MTMR9: variants seen among roughly 807,000 people sequenced by gnomAD.
The protein encoded by MTMR9 is myotubularin-related protein 9.
A neutral mutation model predicts 69.5 loss-of-function variants in MTMR9; 39 were observed. The observed-to-expected ratio is 0.56, with a 90% CI of 0.43 to 0.73. The LOEUF (loss-of-function observed/expected upper bound fraction) is 0.73. Ranked by LOEUF, MTMR9 falls within the 30% of genes least tolerant of loss-of-function variation. MTMR9 has a pLI of 0.00. For missense variants in MTMR9, 900 were observed against 671.2 expected (o/e 1.34, Z -3.77); for synonymous variants, 354 against 240.8 (o/e 1.47, Z -4.35).
At chr8:11,321,184 A>C (rs1181085611) in intron 9 of MTMR9, 1 of 282,166 alleles carries the variant, frequency 3.5e-6, no homozygotes, top group African/African-American at 2.2e-5. Context: ...TCCCCTAGTT[A>C]GCATTGTGGG....
chr8:11,330,927 A>T, downstream of MTMR9: 1 of 399,320 alleles, frequency 2.5e-6, no homozygotes, highest in South Asian at 6.9e-5. Context: ...AAAAAAAAAA[A>T]AGAAAGAAAG....
Position 11,323,144 on chromosome 8 carries a change from C to T in MTMR9, c.*356C>T, listed in dbSNP as rs1800772934. 2 of 163,538 alleles carry T rather than the reference C, an allele frequency of 1.2e-5. No homozygotes were observed. The highest frequency in any genetic ancestry group is 2.4e-5 in the African/African-American group (1 of 41,718). The allele number at this position is 163,538 out of a possible 1,614,324, so 10.1% of individuals were successfully genotyped here. A position where few individuals can be genotyped will look rare whatever the true frequency, so the allele number is the denominator to read the frequency against. On this transcript the variant is annotated 3_prime_UTR_variant, in exon 10 of 10. Transcript: ENST00000221086. ...CAGCATTCTAGAGCAGTCAAGGAGA[C>T]AGCTAATCTCTCTAGGGACTATTTG...
At chr8:11,329,647 G>A (rs1027311887), downstream of MTMR9, among the ~76,000 whole-genome samples, 39 of 152,346 alleles carry the variant, frequency 2.6e-4, no homozygotes, top group Non-Finnish European at 4.1e-4. Context: ...GTGCAGTGGC[G>A]TGATCTCGGC....
intron 1 of MTMR9, among the ~76,000 whole-genome samples, chr8:11,288,001 AATAC>A (rs1249333322): frequency 2.4e-5 from 3 of 123,914 alleles, no homozygotes; most frequent in Non-Finnish European, 1.6e-5. Context: ...TATTACATAT[AATAC>A]ATAGTATATA....
At chr8:11,290,989 C>T (rs73537134) in intron 1 of MTMR9, among the ~76,000 whole-genome samples, 125 of 151,606 alleles carry the variant, frequency 8.2e-4, no homozygotes, top group African/African-American at 2.7e-3. Context: ...GACTCAAAGG[C>T]AGTTGCAAAA....
rs946935798 is a variant in MTMR9, at chr8:11,300,263, C to G, written c.417+115C>G. 1.8e-5 allele frequency: 20 copies of G among 1,127,714 alleles called. No individual in the cohort carries two copies. The African/African-American group carries it at 2.7e-4, about 15-fold the overall frequency. 69.9% of individuals were successfully genotyped at this position (1,127,714 alleles called of 1,614,324 possible). ...TAAGGTGAAGTTGACTTATCCATTC[C>G]TAATCTTAATATATTTAAAAGGATT... On this transcript the variant is annotated intron_variant, in intron 3 of 9. Coordinates refer to ENST00000221086, the MANE Select transcript of MTMR9 (RefSeq NM_015458.4).
Position 11,315,067 on chromosome 8 carries a change from G to A in MTMR9, c.1113+3G>A, listed in dbSNP as rs771458641. On this transcript the variant is annotated splice_donor_region_variant and intron_variant, in intron 7 of 9. Coordinates refer to ENST00000221086, the MANE Select transcript of MTMR9 (RefSeq NM_015458.4). ...TGATTGAAAGAGAGTGGCTGCAGGT[G>A]AGAAGAGCTGTTTGATTCACAGAGG... 6.2e-7 allele frequency: 1 copy of A among 1,612,100 alleles called. No homozygotes were observed. The highest frequency in any genetic ancestry group is 1.3e-5 in the African/African-American group (1 of 74,884).
chr8:11,297,531 G>GT lies in MTMR9; in HGVS notation c.291+2242dup, dbSNP rs58238612. 6.3e-3 allele frequency among the ~76,000 whole-genome samples: 892 copies of GT among 142,084 alleles called. 5 individuals carry two copies. The highest frequency in any genetic ancestry group is 0.015 in the African/African-American group (594 of 39,220). The allele number at this position is 142,084 out of a possible 152,430, so 93.2% of individuals were successfully genotyped here. Reference sequence around the variant, plus strand: ...CATGTATGTGTTTGTGGGTTTTGTGGTTTTTTTTTTTTTCAGTTAGGAGAT... The same window carrying GT: ...CATGTATGTGTTTGTGGGTTTTGTGGTTTTTTTTTTTTTTCAGTTAGGAGAT... On this transcript the variant is annotated intron_variant, in intron 2 of 9. Coordinates refer to ENST00000221086, the MANE Select transcript of MTMR9 (RefSeq NM_015458.4).
At chr8:11,292,990 C>T (rs1489995165) in intron 1 of MTMR9, among the ~76,000 whole-genome samples, 1 of 152,172 alleles carries the variant, frequency 6.6e-6, no homozygotes, top group African/African-American at 2.4e-5. Context: ...TTAGAGTATA[C>T]TGCTTATACT....
At chr8:11,333,155 C>G in the MTMR9 span, among the ~76,000 whole-genome samples, 30 of 152,256 alleles carry the variant, frequency 2.0e-4, no homozygotes, top group Middle Eastern at 3.4e-3. Context: ...TCCAAGAAGC[C>G]TCTACAACAA....
intron 6 of MTMR9, among the ~76,000 whole-genome samples, chr8:11,312,106 A>C (rs982866619): frequency 6.6e-6 from 1 of 152,108 alleles, no homozygotes; most frequent in Admixed American, 6.5e-5. Context: ...GTGTAGTGGC[A>C]GGATCACGGC....
chr8:11,295,913 G>T (rs1327245158), intron 2 of MTMR9, among the ~76,000 whole-genome samples: 1 of 152,134 alleles, frequency 6.6e-6, no homozygotes, highest in East Asian at 1.9e-4. Flanking sequence ...CCTCTACAGA[G>T]TTCCTTAGAG....
chr8:11,321,734 A>G (rs1414003907), intron 9 of MTMR9: 1 of 285,956 alleles, frequency 3.5e-6, no homozygotes, highest in Non-Finnish European at 7.0e-6. Context: ...ATATTTAGAA[A>G]TTCCTGAATT....
Position 11,316,837 on chromosome 8 carries a change from T to C in MTMR9, c.1278T>C (p.Phe426=), listed in dbSNP as rs1444955728. The C allele has an allele frequency of 6.2e-7, 1 of 1,613,534 alleles. No homozygotes were observed. The highest frequency in any genetic ancestry group is 8.5e-7 in the Non-Finnish European group (1 of 1,179,716). ...ATGAGAATTTCCTCATCATGCTCTTTGAGCATGCTTATGCCTCACAGTTTG... is the reference window on the plus strand; with the variant it reads ...ATGAGAATTTCCTCATCATGCTCTTCGAGCATGCTTATGCCTCACAGTTTG... ...EFNENFLIML[F]EHAYASQFGT... is the part of the protein sequence containing the mutation. The change falls in exon 8 of 10, where the codon TTT becomes TTC. Residue 426 remains phenylalanine (F), a synonymous_variant. Coordinates refer to ENST00000221086, the MANE Select transcript of MTMR9 (RefSeq NM_015458.4).
chr8:11,331,167 G>A (rs541246113), downstream of MTMR9: 59 of 1,612,430 alleles, frequency 3.7e-5, no homozygotes, highest in Admixed American at 3.3e-4. Flanking sequence ...GCCGCCCTCC[G>A]CTCCACCCAG....
chr8:11,298,819 C>T (rs901612301), intron 2 of MTMR9: 27 of 979,808 alleles, frequency 2.8e-5, no homozygotes, highest in Non-Finnish European at 3.0e-5. Context: ...TCTCTCTGTT[C>T]CTCCCATCTA....
At chr8:11,318,841 A>C (rs1164419711) in intron 8 of MTMR9, 1 of 152,200 alleles carries the variant, frequency 6.6e-6, no homozygotes, top group African/African-American at 2.4e-5. Context: ...CTAAGTCTCT[A>C]AAAAATTTTA....
In MTMR9 at chr8:11,316,906, C is replaced by A. The variant is rs375753344; in HGVS notation, c.1334+13C>A. 2.5e-5 allele frequency: 38 copies of A among 1,547,250 alleles called. No homozygotes were observed. The African/African-American group carries it at 4.9e-4, about 20-fold the overall frequency. On this transcript the variant is annotated intron_variant, in intron 8 of 9. Transcript: ENST00000221086. ...ATGAAAGTGAAAGGTGAGTACACTGCTCACATGGGGACCTTTCCTTTTCCG... is the reference window on the plus strand; with the variant it reads ...ATGAAAGTGAAAGGTGAGTACACTGATCACATGGGGACCTTTCCTTTTCCG...
intron 2 of MTMR9, among the ~76,000 whole-genome samples, chr8:11,296,477 G>C (rs1336264360): frequency 1.3e-5 from 2 of 152,164 alleles, no homozygotes; most frequent in Non-Finnish European, 2.9e-5. Context: ...TTGTTGTGCA[G>C]CAGATCTCCA....
Sources: gnomAD v4.1 joint callset for allele counts (sites outside exome capture counted in the v4.1 genomes callset) on GRCh38, gnomAD v4.1.1 for gene constraint, MANE v1.5 for transcripts, NCBI Gene and HGNC (gene_info 2026-07-23, HGNC 2026-07-21) for gene names.